CPNE4: variants seen among roughly 807,000 people sequenced by gnomAD.
CPNE4 encodes copine 4.
A neutral mutation model predicts 67.9 loss-of-function variants in CPNE4; 25 were observed. That is an observed-to-expected ratio of 0.37 (90% CI 0.27 to 0.51). The LOEUF is 0.51. Ranked by LOEUF, CPNE4 falls within the 20% of genes least tolerant of loss-of-function variation. CPNE4 has a pLI of 0.93. For synonymous variants in CPNE4, 242 were observed against 244.9 expected, an observed-to-expected ratio of 0.99 and a Z score of 0.11; for missense variants, 464 against 690.8, an observed-to-expected ratio of 0.67 and a Z score of 3.68.
chr3:131,710,996 A>G (rs1032226659), intron 3 of CPNE4, among the ~76,000 whole-genome samples: 3 of 152,146 alleles, frequency 2.0e-5, no homozygotes, highest in African/African-American at 7.2e-5. Context: ...CAAGCTCATG[A>G]TTGCCTGGCA....
At chr3:131,958,767 C>T (rs1266338645) in intron 1 of CPNE4, among the ~76,000 whole-genome samples, 10 of 151,246 alleles carry the variant, frequency 6.6e-5, no homozygotes, top group African/African-American at 2.4e-4. Flanking sequence ...CAAGCAATTC[C>T]CCTGCCTCAG....
chr3:131,552,527 A>G (rs1644707250), intron 12 of CPNE4, 36 bp from the exon 13 acceptor site: 1 of 1,576,910 alleles, frequency 6.3e-7, no homozygotes, highest in Admixed American at 1.7e-5. Flanking sequence ...ACAGGAAGAA[A>G]GAAGAATTAC....
At chr3:131,930,562 T>C (rs1032103255) in intron 1 of CPNE4, among the ~76,000 whole-genome samples, 99 of 152,196 alleles carry the variant, frequency 6.5e-4, no homozygotes, top group African/African-American at 2.4e-3. Context: ...CTGTCCTTGG[T>C]ACATTTTATA....
At chr3:131,845,323 T>C (rs1209101632) in intron 2 of CPNE4, among the ~76,000 whole-genome samples, 3 of 152,156 alleles carry the variant, frequency 2.0e-5, no homozygotes, top group Non-Finnish European at 4.4e-5. Context: ...TACAACCTTC[T>C]TCACAACAGG....
chr3:131,896,775 C>A (rs1841536), intron 2 of CPNE4, among the ~76,000 whole-genome samples: 30,507 of 151,970 alleles, frequency 0.2, 3,826 homozygotes, highest in Non-Finnish European at 0.27. Flanking sequence ...GGCATGGATG[C>A]CTTACCTTAT....
chr3:132,021,698 T>A (rs1314190978), intron 1 of CPNE4, among the ~76,000 whole-genome samples: 1 of 152,212 alleles, frequency 6.6e-6, no homozygotes, highest in East Asian at 1.9e-4. Context: ...GACAATGACC[T>A]TTTTTGGGCT....
At chr3:131,920,601 AT>A (rs2070713326) in intron 1 of CPNE4, among the ~76,000 whole-genome samples, 1 of 151,874 alleles carries the variant, frequency 6.6e-6, no homozygotes. Context: ...TTATTTTGAA[AT>A]TTTCTATAAT....
intron 7 of CPNE4, among the ~76,000 whole-genome samples, chr3:131,603,101 A>G (rs954313658): frequency 6.6e-6 from 1 of 152,016 alleles, no homozygotes; most frequent in Admixed American, 6.6e-5. Context: ...TATTTTCTAG[A>G]CCTACTTTGG....
chr3:131,984,586 T>C (rs922947062), intron 1 of CPNE4, among the ~76,000 whole-genome samples: 1 of 152,204 alleles, frequency 6.6e-6, no homozygotes, highest in Non-Finnish European at 1.5e-5. Context: ...ACTATAGATA[T>C]CAGTGCCTGC....
chr3:131,536,472 T>C (rs1214559248), intron 15 of CPNE4, among the ~76,000 whole-genome samples: 1 of 152,246 alleles, frequency 6.6e-6, no homozygotes, highest in Non-Finnish European at 1.5e-5. Context: ...ACTTAACAAG[T>C]GTTTGAGATT....
chr3:131,792,641 ATATATGTATATATACACACGTG>A (rs1560321478), intron 2 of CPNE4, among the ~76,000 whole-genome samples: 55 of 73,932 alleles, frequency 7.4e-4, no homozygotes, highest in African/African-American at 1.6e-3. Flanking sequence ...ACACACGTGT[ATATATGTATATATACACACGTG>A]TATATATACA....
At chr3:131,730,767 G>C (rs1288731523) in intron 2 of CPNE4, among the ~76,000 whole-genome samples, 2 of 152,108 alleles carry the variant, frequency 1.3e-5, no homozygotes, top group African/African-American at 4.8e-5. Context: ...ACTACCAAAA[G>C]CCAGGAGAGG....
At chr3:131,738,621 T>G in intron 2 of CPNE4, among the ~76,000 whole-genome samples, 1 of 93,314 alleles carries the variant, frequency 1.1e-5, no homozygotes, top group East Asian at 3.0e-4. Context: ...GTTTTGTGGG[T>G]TTTTTGTTTG....
intron 2 of CPNE4, among the ~76,000 whole-genome samples, chr3:131,858,999 G>A (rs1180981554): frequency 6.6e-6 from 1 of 152,162 alleles, no homozygotes; most frequent in Non-Finnish European, 1.5e-5. Flanking sequence ...TTGTATTAAA[G>A]TTGAGAATCA....
At chr3:131,729,207 A>G (rs1175209526) in intron 2 of CPNE4, among the ~76,000 whole-genome samples, 3 of 152,186 alleles carry the variant, frequency 2.0e-5, no homozygotes. Context: ...GGCCAGAGAG[A>G]GACAAGAGGC....
chr3:131,940,091 T>C (rs7621702), intron 1 of CPNE4, among the ~76,000 whole-genome samples: 26,647 of 152,026 alleles, frequency 0.18, 2,657 homozygotes, highest in East Asian at 0.31. Context: ...GGAAGCTGAG[T>C]ATAAGTAATA....
At chr3:131,830,910 T>C (rs2085343928) in intron 2 of CPNE4, among the ~76,000 whole-genome samples, 1 of 152,022 alleles carries the variant, frequency 6.6e-6, no homozygotes, top group South Asian at 2.1e-4. Context: ...AGGTACAAGG[T>C]ACAAAGATAC....
intron 11 of CPNE4, 107 bp downstream of exon 11, chr3:131,564,109 A>T (rs1936932309): frequency 1.5e-6 from 2 of 1,330,312 alleles, no homozygotes; most frequent in Admixed American, 3.4e-5. Flanking sequence ...AAGTCACTAC[A>T]TAAGGAGCTA....
At chr3:131,821,323 G>T (rs574982736) in intron 2 of CPNE4, among the ~76,000 whole-genome samples, 5 of 152,330 alleles carry the variant, frequency 3.3e-5, no homozygotes, top group Non-Finnish European at 7.3e-5. Flanking sequence ...AATTTAGAGA[G>T]AATCCACAGA....
Sources: gnomAD v4.1 joint callset for allele counts (sites outside exome capture counted in the v4.1 genomes callset) on GRCh38, gnomAD v4.1.1 for gene constraint, MANE v1.5 for transcripts, NCBI Gene and HGNC (gene_info 2026-07-23, HGNC 2026-07-21) for gene names.